Variants in THOC7 observed in about 807,000 individuals in gnomAD.
The protein encoded by THOC7 is NIF3L1-binding protein 1.
THOC7 carries 22 observed loss-of-function variants against 33.1 expected under a neutral mutation model. That is an observed-to-expected ratio of 0.66 (90% CI 0.47 to 0.95). THOC7 has a LOEUF of 0.95. THOC7 is among the 40% of genes least tolerant of loss of function. The pLI, the probability that THOC7 is intolerant of heterozygous loss-of-function variation, is 0.00. For synonymous variants in THOC7, 77 were observed against 76.8 expected (o/e 1.00, Z -0.01); for missense variants, 184 against 245.3 (o/e 0.75, Z 1.67).
chr3:63,849,382 C>T (rs1393823235), intron 1 of THOC7, among the ~76,000 whole-genome samples: 1 of 151,822 alleles, frequency 6.6e-6, no homozygotes, highest in African/African-American at 2.4e-5. Context: ...AGTAAGACAC[C>T]ATCTCAAAAA....
chr3:63,863,599 G>A lies in THOC7; in HGVS notation c.19+173C>T, dbSNP rs1299457276. 5.0e-6 allele frequency: 6 copies of A among 1,196,772 alleles called. No individual in the cohort carries two copies. In the East Asian group the frequency reaches 1.1e-4, roughly 21 times the overall value. The allele number at this position is 1,196,772 out of a possible 1,614,324, so 74.1% of individuals were successfully genotyped here. ...CTGGCGAGAGGAGGAAGGACTCAGG[G>A]AAGCAGCCGGGGAGGCCCGGGGCTC... On this transcript the variant is annotated intron_variant, in intron 1 of 7. Transcript: ENST00000295899.
At chr3:63,854,401 T>A (rs541898140) in intron 1 of THOC7, among the ~76,000 whole-genome samples, 1 of 152,248 alleles carries the variant, frequency 6.6e-6, no homozygotes, top group Non-Finnish European at 1.5e-5. Flanking sequence ...CAAATTATCA[T>A]GCTTGAAACC....
At chr3:63,850,842 C>G (rs1191937203) in intron 1 of THOC7, among the ~76,000 whole-genome samples, 2 of 152,150 alleles carry the variant, frequency 1.3e-5, no homozygotes, top group East Asian at 3.9e-4. Flanking sequence ...CTCCCTCAGA[C>G]TCCCAAAGTG....
chr3:63,846,812 A>G (rs374653961), intron 1 of THOC7, among the ~76,000 whole-genome samples: 1 of 152,172 alleles, frequency 6.6e-6, no homozygotes, highest in East Asian at 1.9e-4. Flanking sequence ...GCAGAATGAT[A>G]GTCTCCTGAG....
intron 1 of THOC7, among the ~76,000 whole-genome samples, chr3:63,859,572 ACT>A (rs1468273763): frequency 6.6e-6 from 1 of 151,862 alleles, no homozygotes; most frequent in Non-Finnish European, 1.5e-5. Context: ...CTCCCCCATT[ACT>A]CTCTGTCCTC....
Position 63,863,764 on chromosome 3 carries a change from G to T in THOC7, c.19+8C>A. The T allele has an allele frequency of 8.0e-7, 1 of 1,252,510 alleles. No individual in the cohort carries two copies. Among genetic ancestry groups the T allele is most frequent in the Non-Finnish European group, 9.9e-7 (1 of 1,005,934 alleles). 77.6% of individuals were successfully genotyped at this position (1,252,510 alleles called of 1,614,324 possible). A position where few individuals can be genotyped will look rare whatever the true frequency, so the allele number is the denominator to read the frequency against. ...AGCGGGCGCGTGTGGCGGCGAGCGG[G>T]GCCTCACCGTCAGTCACGGCTCCCA... On this transcript the variant is annotated splice_region_variant and intron_variant, in intron 1 of 7. Coordinates refer to ENST00000295899, the MANE Select transcript of THOC7 (RefSeq NM_025075.4).
intron 1 of THOC7, among the ~76,000 whole-genome samples, chr3:63,850,991 T>C (rs375169752): frequency 6.6e-6 from 1 of 152,214 alleles, no homozygotes; most frequent in Non-Finnish European, 1.5e-5. Context: ...ACATTGGGTA[T>C]TGTAGAGCAG....
intron 1 of THOC7, among the ~76,000 whole-genome samples, chr3:63,855,316 C>T (rs188306649): frequency 1.1e-4 from 17 of 152,276 alleles, no homozygotes; most frequent in Admixed American, 9.2e-4. Flanking sequence ...AGTAATGACA[C>T]ATTTATGCTG....
chr3:63,838,099 A>C, intron 3 of THOC7, 37 bp from the exon 4 acceptor site: 2 of 1,516,500 alleles, frequency 1.3e-6, no homozygotes, highest in Non-Finnish European at 1.8e-6. Context: ...AGTTGTAACA[A>C]AATCAATAAT....
chr3:63,850,118 C>T (rs1415608774), intron 1 of THOC7, among the ~76,000 whole-genome samples: 4 of 152,156 alleles, frequency 2.6e-5, no homozygotes, highest in African/African-American at 7.2e-5. Flanking sequence ...CTTATTTATG[C>T]CTACTTCTTT....
intron 1 of THOC7, among the ~76,000 whole-genome samples, chr3:63,859,920 G>T (rs994463435): frequency 6.6e-6 from 1 of 152,186 alleles, no homozygotes; most frequent in African/African-American, 2.4e-5. Flanking sequence ...TTTGAATCAA[G>T]CCAGATCAGC....
At chr3:63,862,505 G>T (rs2107174539) in intron 1 of THOC7, among the ~76,000 whole-genome samples, 1 of 152,312 alleles carries the variant, frequency 6.6e-6, no homozygotes, top group Non-Finnish European at 1.5e-5. Flanking sequence ...TAATCCCAAA[G>T]CCTAGTCCAG....
chr3:63,835,436 G>T, intron 5 of THOC7, 46 bp from the exon 6 acceptor site: 1 of 1,568,312 alleles, frequency 6.4e-7, no homozygotes, highest in Non-Finnish European at 8.7e-7. Flanking sequence ...TGGGGGAGAA[G>T]AGTTTACAAT....
intron 7 of THOC7, 94 bp downstream of exon 7, chr3:63,835,060 T>C: frequency 5.6e-6 from 7 of 1,244,454 alleles, no homozygotes; most frequent in Non-Finnish European, 7.9e-6. Context: ...ATTGAAGGTA[T>C]ACTGTCTCTC....
intron 1 of THOC7, chr3:63,863,459 C>A: frequency 8.7e-7 from 1 of 1,149,070 alleles, no homozygotes; most frequent in Non-Finnish European, 1.1e-6. Flanking sequence ...GCCGTCTCGG[C>A]CACCCACGTG....
intron 1 of THOC7, among the ~76,000 whole-genome samples, chr3:63,862,303 G>T (rs910644153): frequency 1.3e-5 from 2 of 152,160 alleles, no homozygotes; most frequent in Admixed American, 1.3e-4. Flanking sequence ...TCAAAAATGG[G>T]ATTAACTTCG....
intron 1 of THOC7, among the ~76,000 whole-genome samples, chr3:63,855,633 C>G (rs748432199): frequency 6.6e-6 from 1 of 152,156 alleles, no homozygotes; most frequent in Admixed American, 6.5e-5. Flanking sequence ...CCTATATTTG[C>G]CATTAAAACC....
At chr3:63,863,459 C>T in intron 1 of THOC7, 4 of 1,149,070 alleles carry the variant, frequency 3.5e-6, no homozygotes, top group Non-Finnish European at 4.3e-6. Context: ...GCCGTCTCGG[C>T]CACCCACGTG....
intron 1 of THOC7, among the ~76,000 whole-genome samples, chr3:63,858,917 G>T (rs1702159213): frequency 6.6e-6 from 1 of 152,194 alleles, no homozygotes; most frequent in Non-Finnish European, 1.5e-5. Context: ...ACTGAGTGCA[G>T]GAAATAAAGG....
Sources: gnomAD v4.1 joint callset for allele counts (sites outside exome capture counted in the v4.1 genomes callset) on GRCh38, gnomAD v4.1.1 for gene constraint, MANE v1.5 for transcripts, NCBI Gene and HGNC (gene_info 2026-07-23, HGNC 2026-07-21) for gene names.